FRY: variants seen among roughly 807,000 people sequenced by gnomAD.
The protein encoded by FRY is protein furry homolog.
Under a neutral mutation model 348.4 loss-of-function variants are expected in FRY, and 128 were observed. The ratio of observed to expected loss-of-function variants is 0.37; its 90% CI spans 0.32 to 0.43. The LOEUF is 0.43. FRY is among the 20% of genes least tolerant of loss of function. The pLI, the probability that FRY is intolerant of heterozygous loss-of-function variation, is 1.00. For synonymous variants in FRY, 1,370 were observed against 1,374.7 expected, an observed-to-expected ratio of 1.00 and a Z score of 0.08; for missense variants, 2,736 against 3,695.2, an observed-to-expected ratio of 0.74 and a Z score of 6.73.
chr13:32,082,243 A>G (rs1269668516), intron 2 of FRY, among the ~76,000 whole-genome samples: 1 of 149,474 alleles, frequency 6.7e-6, no homozygotes, highest in African/African-American at 2.4e-5. Flanking sequence ...AAAAAACAGG[A>G]AATAAAAATG....
intron 48 of FRY, 68 bp downstream of exon 48, chr13:32,247,570 G>A: frequency 8.3e-7 from 1 of 1,210,456 alleles, no homozygotes; most frequent in Non-Finnish European, 1.2e-6. Flanking sequence ...ATCAAAAGTA[G>A]TTGCCTGGAA....
intron 1 of FRY, among the ~76,000 whole-genome samples, chr13:32,054,304 T>C (rs1055811577): frequency 3.3e-5 from 5 of 152,124 alleles, no homozygotes; most frequent in African/African-American, 9.7e-5. Context: ...CACCACTTGC[T>C]TTGTTGTTAT....
Position 32,126,646 on chromosome 13 carries a change from G to T in FRY, c.716+1771G>T, listed in dbSNP as rs76566795. Among the ~76,000 whole-genome samples the T allele has an allele frequency of 6.6e-3, 1,008 of 152,316 alleles. 10 individuals carry two copies. Among genetic ancestry groups the T allele is most frequent in the African/African-American group, 0.022 (924 of 41,568 alleles). ...AACACAGACTCCAATAGCCCTTGAT[G>T]TGTTCTCAACTAGTCTATATGTAGT... On this transcript the variant is annotated intron_variant, in intron 7 of 60. Coordinates refer to ENST00000542859, the MANE Select transcript of FRY (RefSeq NM_023037.3).
chr13:32,276,687 G>A (rs1314887668), intron 57 of FRY, 125 bp downstream of exon 57: 3 of 717,202 alleles, frequency 4.2e-6, no homozygotes, highest in Non-Finnish European at 7.7e-6. Context: ...CTTTGTTAAG[G>A]ATTACAATTC....
intron 23 of FRY, among the ~76,000 whole-genome samples, chr13:32,180,803 C>G (rs1444876294): frequency 2.0e-5 from 3 of 152,074 alleles, no homozygotes; most frequent in Non-Finnish European, 4.4e-5. Flanking sequence ...ATGAGAAACC[C>G]TACTTGAAAA....
intron 23 of FRY, among the ~76,000 whole-genome samples, chr13:32,180,373 T>C (rs1882628352): frequency 6.6e-6 from 1 of 152,178 alleles, no homozygotes; most frequent in Non-Finnish European, 1.5e-5. Flanking sequence ...TAGCTGGGGC[T>C]ACAGACCCGC....
intron 1 of FRY, among the ~76,000 whole-genome samples, chr13:32,039,495 C>T (rs970409808): frequency 2.1e-4 from 4 of 18,772 alleles, no homozygotes; most frequent in African/African-American, 9.8e-4. Context: ...CTCCCACCTC[C>T]CCCCCCATAC....
Position 32,208,838 on chromosome 13 carries a change from T to C in FRY, c.4019-15T>C. 1 of 1,613,942 alleles carries C rather than the reference T, an allele frequency of 6.2e-7. No homozygotes were observed. The highest frequency in any genetic ancestry group is 8.5e-7 in the Non-Finnish European group (1 of 1,179,826). ...TAAGGTATGGATGACTCTCTGTCAC[T>C]GCAATTCTCTTTAGAGGTAAGCCAG... On this transcript the variant is annotated splice_polypyrimidine_tract_variant and intron_variant, in intron 31 of 60. Transcript: ENST00000542859.
At position 32,119,797 on chromosome 13, in the gene FRY, G is replaced by A. The variant is rs1397948197; in HGVS notation, c.464+2324G>A. ...GGGTCTTGAAGGACTTTAGATAGAT[G>A]GTTTTGTTCACAGCTCTTTCTCCTG... On this transcript the variant is annotated intron_variant, in intron 4 of 60. Transcript: ENST00000542859. Among the ~76,000 whole-genome samples the A allele has an allele frequency of 3.9e-5, 6 of 152,264 alleles. No homozygotes were observed. In the East Asian group the frequency reaches 9.7e-4, roughly 25 times the overall value.
intron 16 of FRY, among the ~76,000 whole-genome samples, chr13:32,159,439 C>T (rs1187699561): frequency 6.6e-6 from 1 of 151,990 alleles, no homozygotes; most frequent in South Asian, 2.1e-4. Flanking sequence ...TTCCATATCC[C>T]TTTTGTGGTT....
At chr13:32,294,820 A>T (rs1889553295) in intron 60 of FRY, among the ~76,000 whole-genome samples, 1 of 152,188 alleles carries the variant, frequency 6.6e-6, no homozygotes, top group Non-Finnish European at 1.5e-5. Context: ...ATACCTTTAT[A>T]TAATTTTTAA....
chr13:32,186,280 T>C lies in FRY; in HGVS notation c.3340T>C (p.Phe1114Leu), dbSNP rs778554469. 1 of 1,613,656 alleles carries C rather than the reference T, an allele frequency of 6.2e-7. No homozygotes were observed. The highest frequency in any genetic ancestry group is 8.5e-7 in the Non-Finnish European group (1 of 1,179,558). The change falls in exon 27 of 61, where the codon TTC becomes CTC. Residue 1114 changes from phenylalanine (F) to leucine (L), a missense_variant. Phe to Leu is a conservative substitution (Grantham distance 22). This residue lies in a region of FRY where 449 missense variants were observed against 576.9 expected (regional missense o/e 0.78). Coordinates refer to ENST00000542859, the MANE Select transcript of FRY (RefSeq NM_023037.3). ...CCTAGTTCACCACCGAAGATTTCTC[T>C]TCCCCCAGCAAAGTCTGAGGCACCA... ...CVPVHHRRFL[F>L]PQQSLRHHLF... is the part of the protein sequence containing the mutation.
intron 1 of FRY, among the ~76,000 whole-genome samples, chr13:32,064,617 A>C (rs1874137107): frequency 6.6e-6 from 1 of 152,232 alleles, no homozygotes; most frequent in Non-Finnish European, 1.5e-5. Flanking sequence ...ATAAATGAAC[A>C]AATTAGTGAA....
chr13:32,269,079 T>C (rs965330798), intron 55 of FRY, among the ~76,000 whole-genome samples: 1 of 152,148 alleles, frequency 6.6e-6, no homozygotes, highest in Non-Finnish European at 1.5e-5. Flanking sequence ...GACAATAATT[T>C]AGTTGGACTG....
At chr13:32,207,876 C>T (rs1884445616) in intron 31 of FRY, among the ~76,000 whole-genome samples, 2 of 152,176 alleles carry the variant, frequency 1.3e-5, no homozygotes, top group Admixed American at 1.3e-4. Flanking sequence ...CACACTGGAT[C>T]ATAACACCTG....
chr13:32,042,129 A>G (rs966896977), intron 1 of FRY, among the ~76,000 whole-genome samples: 2 of 152,174 alleles, frequency 1.3e-5, no homozygotes, highest in South Asian at 2.1e-4. Context: ...GGACATTTAA[A>G]TTATATTGTC....
At chr13:32,202,930 CAG>C (rs1180998252) in intron 31 of FRY, among the ~76,000 whole-genome samples, 2 of 130,438 alleles carry the variant, frequency 1.5e-5, no homozygotes, top group East Asian at 4.0e-4. Context: ...ACCTGGGCAA[CAG>C]AGTGAGACAG....
intron 2 of FRY, among the ~76,000 whole-genome samples, chr13:32,098,677 C>T (rs1419872854): frequency 2.6e-5 from 4 of 151,968 alleles, no homozygotes; most frequent in Admixed American, 6.5e-5. Context: ...AACCACATTT[C>T]CCCTCTCAGA....
intron 23 of FRY, among the ~76,000 whole-genome samples, chr13:32,180,631 A>G (rs1342647437): frequency 6.6e-6 from 1 of 152,202 alleles, no homozygotes; most frequent in Non-Finnish European, 1.5e-5. Flanking sequence ...TCAAATAATC[A>G]TTCCATCTGA....
Sources: allele counts gnomAD v4.1 joint callset (sites outside exome capture counted in the v4.1 genomes callset), GRCh38; gene constraint gnomAD v4.1.1; regional missense constraint gnomAD v4.1.1; transcripts MANE v1.5; gene names NCBI Gene and HGNC (gene_info 2026-07-23, HGNC 2026-07-21).